Variants in DPYSL3 observed in about 807,000 individuals in gnomAD.
DPYSL3 encodes dihydropyrimidinase-related protein 3.
In DPYSL3, 16 loss-of-function variants were observed where a neutral mutation model predicts 66.1. That is an observed-to-expected ratio of 0.24 (90% CI 0.16 to 0.37). The LOEUF is 0.37. Among genes scored for constraint, DPYSL3 ranks in the 10% least tolerant of loss-of-function variants. The probability of loss-of-function intolerance (pLI) is 1.00; values close to 1 mark genes in which losing one functional copy is unlikely to be tolerated. For missense variants in DPYSL3, 738 were observed against 916.2 expected (o/e 0.81, Z 2.51); for synonymous variants, 338 against 345.1 (o/e 0.98, Z 0.23).
At chr5:147,411,448 G>A (rs1581178971) in intron 6 of DPYSL3, among the ~76,000 whole-genome samples, 1 of 152,300 alleles carries the variant, frequency 6.6e-6, no homozygotes, top group Admixed American at 6.5e-5. Flanking sequence ...GATACCCACT[G>A]AGGTATATCA....
intron 1 of DPYSL3, among the ~76,000 whole-genome samples, chr5:147,449,684 C>T (rs894873024): frequency 1.3e-5 from 2 of 152,210 alleles, no homozygotes; most frequent in Non-Finnish European, 2.9e-5. Context: ...CTTCACCTAA[C>T]CATATTTCAA....
intron 1 of DPYSL3, among the ~76,000 whole-genome samples, chr5:147,464,051 G>A (rs772888657): frequency 1.4e-4 from 22 of 152,070 alleles, no homozygotes; most frequent in Non-Finnish European, 2.6e-4. Context: ...TACAAGAAAG[G>A]CCACATGACC....
At position 147,485,497 on chromosome 5, in the gene DPYSL3, C is replaced by T. The variant is rs376645005; in HGVS notation, c.381+23981G>A. On this transcript the variant is annotated intron_variant, in intron 1 of 13. Transcript: ENST00000343218. The stretch of plus-strand genomic sequence containing the variant: ...TATGACATTATTTATTTACAATATT[C>T]TATTACTAAATATTTCAGTCGTTTT... 2.6e-5 allele frequency among the ~76,000 whole-genome samples: 4 copies of T among 152,138 alleles called. No homozygotes were observed. In the East Asian group the frequency reaches 5.8e-4, roughly 22 times the overall value.
At chr5:147,484,091 G>C (rs900093534) in intron 1 of DPYSL3, among the ~76,000 whole-genome samples, 3 of 152,164 alleles carry the variant, frequency 2.0e-5, no homozygotes, top group African/African-American at 7.2e-5. Context: ...TTTGTCTCTG[G>C]CCTCATTAGA....
intron 6 of DPYSL3, among the ~76,000 whole-genome samples, chr5:147,409,393 G>A (rs904200574): frequency 6.6e-6 from 1 of 152,208 alleles, no homozygotes; most frequent in Non-Finnish European, 1.5e-5. Flanking sequence ...TCCTAGAAAT[G>A]CATATTTTAA....
chr5:147,460,506 T>A (rs1453752115), intron 1 of DPYSL3, among the ~76,000 whole-genome samples: 1 of 152,116 alleles, frequency 6.6e-6, no homozygotes, highest in African/African-American at 2.4e-5. Context: ...AAGTTAAGGA[T>A]CTTGACAAGG....
chr5:147,451,635 A>G (rs1009431640), intron 1 of DPYSL3, among the ~76,000 whole-genome samples: 3 of 152,126 alleles, frequency 2.0e-5, no homozygotes, highest in Admixed American at 1.3e-4. Context: ...TCTAGGAGGG[A>G]AAAAAAATAT....
At chr5:147,410,225 A>G (rs1394734728) in intron 6 of DPYSL3, among the ~76,000 whole-genome samples, 1 of 152,178 alleles carries the variant, frequency 6.6e-6, no homozygotes, top group African/African-American at 2.4e-5. Flanking sequence ...GTGCACCAGG[A>G]TAATGCACAG....
At chr5:147,500,214 A>G (rs185521741) in intron 1 of DPYSL3, among the ~76,000 whole-genome samples, 1 of 152,376 alleles carries the variant, frequency 6.6e-6, no homozygotes, top group Non-Finnish European at 1.5e-5. Context: ...GCTGCAAAAC[A>G]TATTGTCAAA....
chr5:147,440,995 C>T (rs745324464), intron 1 of DPYSL3, among the ~76,000 whole-genome samples: 5 of 152,090 alleles, frequency 3.3e-5, no homozygotes, highest in Admixed American at 6.5e-5. Flanking sequence ...ACTATGATCT[C>T]GGCATGGTAA....
In DPYSL3 at chr5:147,411,768, C is replaced by T. The variant is rs540463285; in HGVS notation, c.963+840G>A. Among the ~76,000 whole-genome samples, 4 of 152,318 alleles carry T rather than the reference C, an allele frequency of 2.6e-5. No homozygotes were observed. In the South Asian group the frequency reaches 8.3e-4, roughly 32 times the overall value. On this transcript the variant is annotated intron_variant, in intron 6 of 13. Transcript: ENST00000343218. ...TTCTGGTCAACTTCTAAAATAAAAG[C>T]ACAGCCCAAGTATTAGTGAGCTATG...
At chr5:147,496,902 A>G (rs1010560916) in intron 1 of DPYSL3, among the ~76,000 whole-genome samples, 9 of 152,172 alleles carry the variant, frequency 5.9e-5, no homozygotes, top group Non-Finnish European at 1.3e-4. Context: ...ATTACTGGGT[A>G]TATACCCAAA....
intron 1 of DPYSL3, among the ~76,000 whole-genome samples, chr5:147,433,690 C>T (rs1752356527): frequency 6.6e-6 from 1 of 152,110 alleles, no homozygotes; most frequent in African/African-American, 2.4e-5. Flanking sequence ...TAATGCTTAC[C>T]TCACAGGGCT....
In DPYSL3 at chr5:147,474,487, A is replaced by G. The variant is rs549932163; in HGVS notation, c.381+34991T>C. Among the ~76,000 whole-genome samples the G allele has an allele frequency of 5.9e-5, 9 of 152,156 alleles. No homozygotes were observed. In the East Asian group the frequency reaches 1.5e-3, roughly 26 times the overall value. On this transcript the variant is annotated intron_variant, in intron 1 of 13. Transcript: ENST00000343218. ...ACAGAAAAGGATTTGGAAGCTGACA[A>G]TGGTTAAATGACAAGCTAATTAGTG...
At chr5:147,411,981 A>G (rs773137238) in intron 6 of DPYSL3, among the ~76,000 whole-genome samples, 66 of 152,210 alleles carry the variant, frequency 4.3e-4, no homozygotes, top group Non-Finnish European at 8.8e-4. Flanking sequence ...TCTGAGAAAC[A>G]AAACCCTTCC....
At chr5:147,496,550 C>T (rs999484642) in intron 1 of DPYSL3, among the ~76,000 whole-genome samples, 4 of 151,736 alleles carry the variant, frequency 2.6e-5, no homozygotes, top group Admixed American at 6.6e-5. Context: ...AACAAATTTA[C>T]AAGAAAAAAA....
Position 147,412,660 on chromosome 5 carries a change from T to C in DPYSL3, c.911A>G (p.Glu304Gly). The change falls in exon 6 of 14, where the codon GAG (glutamate) becomes GGG (glycine). Residue 304 changes from glutamate to glycine, a missense_variant. Coordinates refer to ENST00000343218, the MANE Select transcript of DPYSL3 (RefSeq NM_001197294.2). ...ATGAACTTGAGCAATGGCCCCCAGCTCTCCCAGGCAGGTGAAGATCTCATA... is the reference window on the plus strand; with the variant it reads ...ATGAACTTGAGCAATGGCCCCCAGCCCTCCCAGGCAGGTGAAGATCTCATA... ...ELYEIFTCLG[E>G]LGAIAQVHAE... The C allele has an allele frequency of 2.5e-6, 4 of 1,612,700 alleles. No homozygotes were observed. The highest frequency in any genetic ancestry group is 3.4e-6 in the Non-Finnish European group (4 of 1,179,492).
chr5:147,402,843 T>G (rs1244498662), intron 8 of DPYSL3, among the ~76,000 whole-genome samples: 1 of 152,140 alleles, frequency 6.6e-6, no homozygotes, highest in East Asian at 1.9e-4. Flanking sequence ...TTAGCTTCTT[T>G]AAGAAGAAGG....
intron 1 of DPYSL3, chr5:147,473,336 G>A (rs964677324): frequency 1.3e-5 from 2 of 152,092 alleles, no homozygotes; most frequent in Non-Finnish European, 2.9e-5. Context: ...AAGTTCCTCA[G>A]TAATAAACCT....
Sources: gnomAD v4.1 joint callset for allele counts (sites outside exome capture counted in the v4.1 genomes callset) on GRCh38, gnomAD v4.1.1 for gene constraint, MANE v1.5 for transcripts, NCBI Gene and HGNC (gene_info 2026-07-23, HGNC 2026-07-21) for gene names.